LMO7: variants seen among roughly 807,000 people sequenced by gnomAD.
LMO7 encodes LIM domain 7, also known as LIM domain only protein 7.
LMO7 carries 120 observed loss-of-function variants against 206.5 expected under a neutral mutation model. The ratio of observed to expected loss-of-function variants is 0.58; its 90% confidence interval spans 0.50 to 0.68. LMO7 has a LOEUF of 0.68. LMO7 is among the 30% of genes least tolerant of loss of function. The pLI is 0.00. For missense variants in LMO7, 1,959 were observed against 1,957.9 expected (o/e 1.00, Z -0.01); for synonymous variants, 706 against 681.5 (o/e 1.04, Z -0.56).
At chr13:75,796,067 C>T (rs1224346766) in intron 5 of LMO7, among the ~76,000 whole-genome samples, 2 of 152,130 alleles carry the variant, frequency 1.3e-5, no homozygotes, top group Non-Finnish European at 2.9e-5. Context: ...ACGCTAAAGG[C>T]AAGTAAACAC....
chr13:75,663,508 G>A (rs549596264), intron 1 of LMO7, among the ~76,000 whole-genome samples: 2 of 146,466 alleles, frequency 1.4e-5, no homozygotes, highest in Non-Finnish European at 3.0e-5. Context: ...TCGGCTCACT[G>A]CAAGCTCTGC....
At chr13:75,809,894 C>T (rs1161639758) in intron 11 of LMO7, among the ~76,000 whole-genome samples, 4 of 145,254 alleles carry the variant, frequency 2.8e-5, no homozygotes, top group African/African-American at 1.0e-4. Flanking sequence ...TGAAGTGGCG[C>T]AATCTTGGCT....
intron 1 of LMO7, among the ~76,000 whole-genome samples, chr13:75,668,191 G>A (rs1015588810): frequency 6.6e-6 from 1 of 152,216 alleles, no homozygotes; most frequent in Non-Finnish European, 1.5e-5. Flanking sequence ...CTGGGTGATA[G>A]AGTGAGACTC....
At chr13:75,787,622 A>G (rs1350105702) in intron 4 of LMO7, among the ~76,000 whole-genome samples, 5 of 152,328 alleles carry the variant, frequency 3.3e-5, no homozygotes, top group South Asian at 2.1e-4. Flanking sequence ...TCAGGTTCAT[A>G]TATTTGGGTT....
At chr13:75,733,003 C>G (rs1009251638) in intron 3 of LMO7, among the ~76,000 whole-genome samples, 1 of 152,116 alleles carries the variant, frequency 6.6e-6, no homozygotes, top group Non-Finnish European at 1.5e-5. Flanking sequence ...CAGAGGAGTT[C>G]CCAGCCATGT....
At chr13:75,716,461 A>T (rs984389989) in intron 2 of LMO7, among the ~76,000 whole-genome samples, 9 of 152,140 alleles carry the variant, frequency 5.9e-5, no homozygotes, top group African/African-American at 2.2e-4. Context: ...GTGAGTTGGG[A>T]TTTCATCAAG....
rs559739876 is a variant in LMO7, at chr13:75,737,480, G to A, written c.210+10382G>A. Among the ~76,000 whole-genome samples, 45 of 150,696 alleles carry A rather than the reference G, an allele frequency of 3.0e-4. No individual in the cohort carries two copies. The South Asian group carries it at 5.2e-3, about 17-fold the overall frequency. On this transcript the variant is annotated intron_variant, in intron 3 of 30. Coordinates refer to ENST00000377534, the MANE Select transcript of LMO7 (RefSeq NM_001306080.2). ...TAAAAAAAAAAAAACTTGGCCGGGC[G>A]CGGTGGCTCACGCCTGTAATCCCAG...
At chr13:75,804,174 A>C in intron 7 of LMO7, 115 bp from the exon 8 acceptor site, 1 of 1,022,958 alleles carries the variant, frequency 9.8e-7, no homozygotes, top group Non-Finnish European at 1.4e-6. Flanking sequence ...TATTCCCTGC[A>C]GTTAGCAGTG....
chr13:75,758,974 T>C (rs952744490), intron 3 of LMO7, among the ~76,000 whole-genome samples: 1 of 152,170 alleles, frequency 6.6e-6, no homozygotes, highest in Non-Finnish European at 1.5e-5. Context: ...CTGGGTAATT[T>C]ACAAAGCAAA....
At chr13:75,735,448 T>A (rs187303989) in intron 3 of LMO7, among the ~76,000 whole-genome samples, 4 of 151,814 alleles carry the variant, frequency 2.6e-5, no homozygotes, top group East Asian at 1.9e-4. Context: ...ATGAAAAAAA[T>A]TTAGTTTTTG....
chr13:75,634,424 CTG>C (rs1284268166), upstream of LMO7, among the ~76,000 whole-genome samples: 1 of 139,890 alleles, frequency 7.1e-6, no homozygotes, highest in South Asian at 2.4e-4. Flanking sequence ...GGCAACAGAG[CTG>C]TCTCTTAAAA....
intron 20 of LMO7, chr13:75,838,453 TAAAAAAAAA>T (rs35202291): frequency 1.9e-5 from 4 of 205,588 alleles, no homozygotes; most frequent in Admixed American, 1.5e-4. Flanking sequence ...TTTAACTTTG[TAAAAAAAAA>T]AAAAAAAAAA....
chr13:75,753,227 A>G (rs982880625), intron 3 of LMO7, among the ~76,000 whole-genome samples: 6 of 152,316 alleles, frequency 3.9e-5, no homozygotes, highest in Middle Eastern at 3.4e-3. Context: ...CTTCCATTGA[A>G]AAAGGTTTAT....
chr13:75,797,265 C>A (rs959765292), intron 6 of LMO7, among the ~76,000 whole-genome samples: 2 of 152,174 alleles, frequency 1.3e-5, no homozygotes, highest in African/African-American at 2.4e-5. Context: ...TTAACTGGAA[C>A]TTGATGTAAG....
chr13:75,648,297 T>C (rs947375539), intron 1 of LMO7, among the ~76,000 whole-genome samples: 1 of 152,196 alleles, frequency 6.6e-6, no homozygotes, highest in Non-Finnish European at 1.5e-5. Flanking sequence ...TTAAAAGGTA[T>C]TATTATTTTT....
intron 6 of LMO7, 87 bp from the exon 7 acceptor site, chr13:75,800,597 T>G (rs2054605919): frequency 4.0e-6 from 5 of 1,243,888 alleles, no homozygotes; most frequent in Non-Finnish European, 4.6e-6. Flanking sequence ...CCAACTTAAA[T>G]TAGGCAAACA....
intron 24 of LMO7, 119 bp downstream of exon 24, chr13:75,842,102 AC>A: frequency 1.4e-6 from 1 of 698,834 alleles, no homozygotes; most frequent in Non-Finnish European, 2.4e-6. Flanking sequence ...AATACAAGCC[AC>A]CAAAGAGAAC....
chr13:75,627,087 T>G (rs2034295479), intron 2 of LMO7: 1 of 152,148 alleles, frequency 6.6e-6, no homozygotes, highest in Non-Finnish European at 1.5e-5. Flanking sequence ...GAGTCCAATT[T>G]CAGAATGTAA....
At chr13:75,799,382 A>T (rs2054450537) in intron 6 of LMO7, among the ~76,000 whole-genome samples, 1 of 152,224 alleles carries the variant, frequency 6.6e-6, no homozygotes, top group South Asian at 2.1e-4. Context: ...CTTTATCTAC[A>T]TATGTGTTTA....
Sources: gnomAD v4.1 joint callset for allele counts (sites outside exome capture counted in the v4.1 genomes callset) on GRCh38, gnomAD v4.1.1 for gene constraint, MANE v1.5 for transcripts, NCBI Gene and HGNC (gene_info 2026-07-23, HGNC 2026-07-21) for gene names.